HAVCR1: variants seen among roughly 807,000 people sequenced by gnomAD.
HAVCR1 encodes the protein hepatitis A virus cellular receptor 1.
In HAVCR1, 34 loss-of-function variants were observed where a neutral mutation model predicts 32.0. That is an observed-to-expected ratio of 1.06 (90% CI 0.81 to 1.42). The LOEUF (loss-of-function observed/expected upper bound fraction) is 1.42, where lower values mean the gene tolerates loss of function less well. Among genes scored for constraint, HAVCR1 ranks in the 40% most tolerant of loss-of-function variants. HAVCR1 has a pLI of 0.00. For synonymous variants in HAVCR1, 178 were observed against 170.3 expected (o/e 1.05, Z -0.35); for missense variants, 420 against 442.3 (o/e 0.95, Z 0.45).
chr5:157,059,299 G>C (rs1046612957), upstream of HAVCR1, among the ~76,000 whole-genome samples: 1 of 152,198 alleles, frequency 6.6e-6, no homozygotes, highest in South Asian at 2.1e-4. Flanking sequence ...GGAGGCAGTG[G>C]TGGTCTGTAT....
intron 5 of HAVCR1, among the ~76,000 whole-genome samples, chr5:157,044,397 GA>G (rs368772720): frequency 8.9e-5 from 4 of 45,116 alleles, no homozygotes; most frequent in African/African-American, 9.6e-5. Flanking sequence ...AGGAAGGAAG[GA>G]AGGAAGGAAG....
Position 157,037,907 on chromosome 5 carries a change from G to A in HAVCR1, c.838-546C>T, listed in dbSNP as rs533824864. ...TGCACGCCTGTAATCCCAGCTACTTGGGAGGCGGAGGCAAAAAATTGCTTG... is the reference window on the plus strand; with the variant it reads ...TGCACGCCTGTAATCCCAGCTACTTAGGAGGCGGAGGCAAAAAATTGCTTG... On this transcript the variant is annotated intron_variant, in intron 6 of 8. Transcript: ENST00000523175. 4.6e-5 allele frequency among the ~76,000 whole-genome samples: 7 copies of A among 152,126 alleles called. No homozygotes were observed. In the East Asian group the frequency reaches 1.4e-3, roughly 29 times the overall value.
chr5:157,032,082 G>A (rs1023156490), intron 8 of HAVCR1, among the ~76,000 whole-genome samples: 2 of 152,094 alleles, frequency 1.3e-5, no homozygotes, highest in Non-Finnish European at 2.9e-5. Flanking sequence ...TCCCCATGGT[G>A]TTTATCTGTA....
intron 8 of HAVCR1, 86 bp downstream of exon 8, chr5:157,032,765 TGGA>T: frequency 1.2e-6 from 1 of 803,244 alleles, no homozygotes; most frequent in Non-Finnish European, 2.2e-6. Flanking sequence ...AGGTATGCGA[TGGA>T]GAGTTTAGGA....
chr5:157,032,973 A>G (rs1338470590), intron 7 of HAVCR1, 86 bp from the exon 8 acceptor site: 3 of 839,280 alleles, frequency 3.6e-6, no homozygotes, highest in Non-Finnish European at 5.7e-6. Flanking sequence ...AATCAAGTGT[A>G]TTATTTCTGT....
At chr5:157,053,387 AAAAAAAAG>A (rs1755890984) in intron 3 of HAVCR1, among the ~76,000 whole-genome samples, 1 of 151,114 alleles carries the variant, frequency 6.6e-6, no homozygotes, top group Non-Finnish European at 1.5e-5. Flanking sequence ...TGTCTTAAAA[AAAAAAAAG>A]AAAAAAAGAA....
intron 6 of HAVCR1, 76 bp downstream of exon 6, chr5:157,042,551 A>G: frequency 2.3e-6 from 2 of 859,808 alleles, no homozygotes; most frequent in East Asian, 2.6e-5. Context: ...TTACAGACAT[A>G]GTCTTTAAAT....
chr5:157,044,615 G>GAAAGAAAGAAAGAAAGAAAA (rs760337335), intron 5 of HAVCR1, among the ~76,000 whole-genome samples: 1,542 of 52,722 alleles, frequency 0.029, 81 homozygotes, highest in African/African-American at 0.094. Context: ...AAGAAAGAAA[G>GAAAGAAAGAAAGAAAGAAAA]AGAAAGAAAG....
At chr5:157,062,042 C>A (rs529586738), upstream of HAVCR1, among the ~76,000 whole-genome samples, 5 of 152,298 alleles carry the variant, frequency 3.3e-5, no homozygotes, top group African/African-American at 1.2e-4. Context: ...GCTATACAAC[C>A]TCCAGGGATC....
intron 3 of HAVCR1, 77 bp from the exon 4 acceptor site, chr5:157,052,731 G>T: frequency 8.4e-7 from 1 of 1,190,002 alleles, no homozygotes; most frequent in Non-Finnish European, 1.2e-6. Context: ...CTGTACCCTA[G>T]CACACCAATG....
chr5:157,044,392 G>A (rs151271268), intron 5 of HAVCR1, among the ~76,000 whole-genome samples: 2 of 39,432 alleles, frequency 5.1e-5, no homozygotes, highest in East Asian at 1.1e-3. Flanking sequence ...AAGGAAGGAA[G>A]GAAGGAAGGA....
intron 5 of HAVCR1, among the ~76,000 whole-genome samples, chr5:157,046,741 G>A (rs796650208): frequency 1.1e-4 from 17 of 151,380 alleles, no homozygotes; most frequent in African/African-American, 4.2e-4. Flanking sequence ...GTTCTTATAT[G>A]GGGGAAGGGT....
In HAVCR1 at chr5:157,056,966, G is replaced by T. The variant is rs149800237; in HGVS notation, c.46+932C>A. ...AACGCCTATAATCCCAGCACTTTGG[G>T]AGACTGAGGTGGGAGAATCACTTGA... is the stretch of plus-strand genomic sequence containing the variant. On this transcript the variant is annotated intron_variant, in intron 2 of 8. Coordinates refer to ENST00000523175, the MANE Select transcript of HAVCR1 (RefSeq NM_001173393.3). Among the ~76,000 whole-genome samples the T allele has an allele frequency of 4.9e-3, 742 of 152,168 alleles. 6 individuals carry two copies. The highest frequency in any genetic ancestry group is 0.016 in the African/African-American group (671 of 41,518).
At chr5:157,061,783 C>T (rs899851717), upstream of HAVCR1, among the ~76,000 whole-genome samples, 2 of 151,614 alleles carry the variant, frequency 1.3e-5, no homozygotes, top group Admixed American at 6.6e-5. Context: ...ATTTTGATGA[C>T]GGAATGTGGG....
chr5:157,054,043 G>T (rs1348273006), intron 3 of HAVCR1, among the ~76,000 whole-genome samples: 2 of 150,944 alleles, frequency 1.3e-5, no homozygotes, highest in African/African-American at 4.9e-5. Flanking sequence ...AATTAGCCGG[G>T]CATGGTGATG....
chr5:157,029,532 T>G lies in HAVCR1; in HGVS notation c.*201A>C. The G allele has an allele frequency of 7.5e-7, 1 of 1,334,498 alleles. No homozygotes were observed. Among genetic ancestry groups the G allele is most frequent in the South Asian group, 1.3e-5 (1 of 78,534 alleles). The allele number at this position is 1,334,498 out of a possible 1,614,324, so 82.7% of individuals were successfully genotyped here. ...TTGAGCCAGTTTTAGCATAAAAAAT[T>G]AGGACTACATTAATGATGAGGTTGA... On this transcript the variant is annotated 3_prime_UTR_variant, in exon 9 of 9. Coordinates refer to ENST00000523175, the MANE Select transcript of HAVCR1 (RefSeq NM_001173393.3).
upstream of HAVCR1, among the ~76,000 whole-genome samples, chr5:157,060,534 A>G (rs988903236): frequency 2.0e-5 from 3 of 152,004 alleles, no homozygotes; most frequent in African/African-American, 7.2e-5. Context: ...CCCTCTCACT[A>G]TTATTATCTT....
chr5:157,042,636 G>T lies in HAVCR1; in HGVS notation c.828C>A (p.Asn276Lys). 6.3e-7 allele frequency: 1 copy of T among 1,587,934 alleles called. No homozygotes were observed. Among genetic ancestry groups the T allele is most frequent in the Non-Finnish European group, 8.6e-7 (1 of 1,157,404 alleles). Reference protein sequence around the residue: ...VTESSDGLWNNNQTQLFLEHS... With the variant: ...VTESSDGLWNKNQTQLFLEHS... ...GGCGGAATATGCTTACAGTTTGATT[G>T]TTATTCCAAAGGCCATCTGAAGACT... Residue 276 changes from asparagine to lysine, a missense_variant, in exon 6 of 9, where the codon AAC becomes AAA. Physicochemically the swap from Asn to Lys is moderately conservative, Grantham distance 94 (BLOSUM62 0). Transcript: ENST00000523175.
At chr5:157,045,549 T>C (rs988737335) in intron 5 of HAVCR1, among the ~76,000 whole-genome samples, 4 of 152,252 alleles carry the variant, frequency 2.6e-5, no homozygotes, top group Non-Finnish European at 4.4e-5. Context: ...TAGTAACTTA[T>C]AGCTGAAATG....
Sources: gnomAD v4.1 joint callset for allele counts (sites outside exome capture counted in the v4.1 genomes callset) on GRCh38, gnomAD v4.1.1 for gene constraint, MANE v1.5 for transcripts, NCBI Gene and HGNC (gene_info 2026-07-23, HGNC 2026-07-21) for gene names.